The following RIPOR2 variants were observed in gnomAD, a reference collection of about 807,000 sequenced individuals.
The protein encoded by RIPOR2 is rho family-interacting cell polarization regulator 2.
In RIPOR2, 39 loss-of-function variants were observed where a neutral mutation model predicts 114.5. The ratio of observed to expected loss-of-function variants is 0.34; its 90% CI spans 0.26 to 0.44. The LOEUF (loss-of-function observed/expected upper bound fraction) is 0.44. RIPOR2 is among the 20% of genes least tolerant of loss of function. The pLI is 1.00. For missense variants in RIPOR2, 1,007 were observed against 1,255.1 expected, an observed-to-expected ratio of 0.80 and a Z score of 2.99; for synonymous variants, 445 against 484.4, an observed-to-expected ratio of 0.92 and a Z score of 1.07.
intron 2 of RIPOR2, among the ~76,000 whole-genome samples, chr6:24,875,156 C>A (rs773419838): frequency 2.0e-4 from 31 of 152,216 alleles, no homozygotes; most frequent in Non-Finnish European, 4.3e-4. Context: ...AGGGCAAAGA[C>A]CTTTATGATA....
At position 24,947,534 on chromosome 6, in the gene RIPOR2, A is replaced by C. The variant is rs1195625750; in HGVS notation, c.77-71717T>G. On this transcript the variant is annotated intron_variant, in intron 1 of 13. Transcript: ENST00000510784. ...AAAAGAAAACGTGTCCTGTGGACCG[A>C]ATTATGGAACGGTCCTGCTCAGGAG... Among the ~76,000 whole-genome samples, 5 of 152,194 alleles carry C rather than the reference A, an allele frequency of 3.3e-5. 1 individual carries two copies.
At chr6:25,042,096 T>C, upstream of RIPOR2, 1 of 526,584 alleles carries the variant, frequency 1.9e-6, no homozygotes, top group Non-Finnish European at 3.3e-6. Flanking sequence ...TTCCGTTGAC[T>C]TCTTTTATCT....
chr6:24,925,307 C>T (rs1459491039), intron 1 of RIPOR2, among the ~76,000 whole-genome samples: 1 of 152,230 alleles, frequency 6.6e-6, no homozygotes, highest in Admixed American at 6.5e-5. Context: ...TCTGTGTCTA[C>T]TGCATTGTAG....
intron 1 of RIPOR2, among the ~76,000 whole-genome samples, chr6:25,005,182 C>T (rs185040361): frequency 0.013 from 1,909 of 152,334 alleles, 44 homozygotes; most frequent in African/African-American, 0.042. Context: ...GGAGTGGCTA[C>T]TCCTGCAGTA....
intron 1 of RIPOR2, among the ~76,000 whole-genome samples, chr6:25,026,048 T>G (rs1041316460): frequency 2.0e-5 from 3 of 151,918 alleles, no homozygotes; most frequent in Admixed American, 6.5e-5. Context: ...GATTGTTGTT[T>G]TTTTTTTTTG....
At chr6:24,843,673 A>G (rs1267509052) in intron 12 of RIPOR2, 119 bp from the exon 13 acceptor site, 6 of 649,960 alleles carry the variant, frequency 9.2e-6, no homozygotes, top group Non-Finnish European at 1.5e-5. Flanking sequence ...AACTTTCAGA[A>G]TGTTAGCATT....
At chr6:24,979,005 C>T (rs1488736134) in intron 1 of RIPOR2, among the ~76,000 whole-genome samples, 1 of 152,184 alleles carries the variant, frequency 6.6e-6, no homozygotes, top group Non-Finnish European at 1.5e-5. Flanking sequence ...CTGAGACTCA[C>T]ATATTTTTGG....
In RIPOR2 at chr6:24,860,385, C is replaced by T. The variant is rs1472342412; in HGVS notation, c.715+588G>A. On this transcript the variant is annotated intron_variant, in intron 8 of 21. Transcript: ENST00000643898. Reference sequence around the variant, plus strand: ...GAAATCTAAAAGATATACCTAACAACCAATTGTAATGCATGGACCTTGTTG... The same window carrying T: ...GAAATCTAAAAGATATACCTAACAATCAATTGTAATGCATGGACCTTGTTG... Among the ~76,000 whole-genome samples the T allele has an allele frequency of 3.9e-5, 6 of 152,128 alleles. No homozygotes were observed. In the East Asian group the frequency reaches 1.2e-3, roughly 29 times the overall value.
intron 1 of RIPOR2, chr6:24,948,097 C>T (rs894748596): frequency 6.6e-5 from 10 of 152,296 alleles, no homozygotes; most frequent in Non-Finnish European, 1.3e-4. Flanking sequence ...GCCCTCCTAT[C>T]CTTACGTGTT....
upstream of RIPOR2, chr6:25,042,027 AAACTT>A (rs1183402401): frequency 7.6e-5 from 39 of 510,650 alleles, no homozygotes; most frequent in South Asian, 7.7e-4. Context: ...ATGAAAAAGA[AAACTT>A]AACCCCCCCC....
chr6:24,914,528 G>A (rs1453239503), intron 1 of RIPOR2, among the ~76,000 whole-genome samples: 2 of 152,180 alleles, frequency 1.3e-5, no homozygotes, highest in South Asian at 4.1e-4. Context: ...GGTGAATTAC[G>A]AAGGAGGCAG....
chr6:24,969,317 T>G (rs1469440078), intron 1 of RIPOR2, among the ~76,000 whole-genome samples: 1 of 152,182 alleles, frequency 6.6e-6, no homozygotes. Flanking sequence ...AAATGCAGAC[T>G]CTCAGGCCCA....
intron 8 of RIPOR2, among the ~76,000 whole-genome samples, chr6:24,855,018 C>A (rs1336170276): frequency 8.2e-5 from 10 of 122,042 alleles, no homozygotes; most frequent in African/African-American, 3.1e-4. Context: ...AGTGAAACTC[C>A]GTCTCAAAAA....
intron 1 of RIPOR2, among the ~76,000 whole-genome samples, chr6:24,884,595 A>G (rs923683899): frequency 2.0e-5 from 3 of 152,224 alleles, no homozygotes; most frequent in Non-Finnish European, 2.9e-5. Flanking sequence ...CTCACTCCTC[A>G]GCAAGGGGAT....
rs768092430 is a variant in RIPOR2, at chr6:24,873,786, T to TTCC, written c.201_202insGGA (p.Phe67_Ile68insGly). 2.0e-5 allele frequency: 33 copies of TTCC among 1,611,592 alleles called. No individual in the cohort carries two copies. The African/African-American group carries it at 3.6e-4, about 18-fold the overall frequency. Reference sequence around the variant, plus strand: ...TTCTTGAGAGCGGAGGAATTTTCAATGAAGGAGTTACACCTATGGAAAGAA... The same window carrying TTCC: ...TTCTTGAGAGCGGAGGAATTTTCAATTCCGAAGGAGTTACACCTATGGAAAGAA... On this transcript the variant is annotated inframe_insertion, in exon 3 of 22. Coordinates refer to ENST00000643898, the MANE Select transcript of RIPOR2 (RefSeq NM_001286445.3).
intron 8 of RIPOR2, among the ~76,000 whole-genome samples, chr6:24,854,134 A>AG (rs1763216441): frequency 6.6e-6 from 1 of 151,874 alleles, no homozygotes; most frequent in African/African-American, 2.4e-5. Context: ...GAAAAAAAAA[A>AG]AAAAAAGAAA....
chr6:24,917,228 A>G (rs952822351), intron 1 of RIPOR2, among the ~76,000 whole-genome samples: 4 of 152,208 alleles, frequency 2.6e-5, no homozygotes, highest in Non-Finnish European at 5.9e-5. Flanking sequence ...TTTAAAAAAT[A>G]TTGAGGACTT....
intron 7 of RIPOR2, among the ~76,000 whole-genome samples, chr6:24,864,125 A>C (rs1030986595): frequency 2.0e-4 from 31 of 152,130 alleles, no homozygotes; most frequent in Admixed American, 1.6e-3. Context: ...AACGTATAGT[A>C]AAACTCCGTC....
intron 1 of RIPOR2, among the ~76,000 whole-genome samples, chr6:25,005,738 T>TATACATACACAC (rs1554130561): frequency 1.4e-5 from 1 of 70,700 alleles, no homozygotes; most frequent in East Asian, 3.2e-4. Flanking sequence ...TATATATATA[T>TATACATACACAC]ATACATTTAC....
Sources: gnomAD v4.1 joint callset for allele counts (sites outside exome capture counted in the v4.1 genomes callset) on GRCh38, gnomAD v4.1.1 for gene constraint, MANE v1.5 for transcripts, NCBI Gene and HGNC (gene_info 2026-07-23, HGNC 2026-07-21) for gene names.